Variants in FAM135A observed in about 807,000 individuals in gnomAD.
The protein encoded by FAM135A is protein FAM135A.
FAM135A carries 79 observed loss-of-function variants against 146.8 expected under a neutral mutation model. The ratio of observed to expected loss-of-function variants is 0.54; its 90% CI spans 0.45 to 0.65. The LOEUF (loss-of-function observed/expected upper bound fraction) is 0.65. FAM135A is among the 30% of genes least tolerant of loss of function. FAM135A has a pLI of 0.00. For missense variants in FAM135A, 1,623 were observed against 1,758.2 expected, an observed-to-expected ratio of 0.92 and a Z score of 1.38; for synonymous variants, 562 against 603.6, an observed-to-expected ratio of 0.93 and a Z score of 1.01.
intron 2 of FAM135A, among the ~76,000 whole-genome samples, chr6:70,419,314 G>A (rs960218796): frequency 6.6e-6 from 1 of 152,202 alleles, no homozygotes; most frequent in Admixed American, 6.5e-5. Context: ...AGCTGCTTGG[G>A]AGGCTGAGGC....
At chr6:70,487,190 A>G (rs1263728275) in intron 10 of FAM135A, among the ~76,000 whole-genome samples, 4 of 151,852 alleles carry the variant, frequency 2.6e-5, no homozygotes, top group Non-Finnish European at 5.9e-5. Context: ...GTTTTAGTCA[A>G]TTTGCATTTA....
intron 5 of FAM135A, among the ~76,000 whole-genome samples, chr6:70,472,262 A>G (rs1180012219): frequency 6.6e-6 from 1 of 152,178 alleles, no homozygotes; most frequent in Non-Finnish European, 1.5e-5. Flanking sequence ...GGTGCTCTCA[A>G]CAAAATTTAC....
chr6:70,498,601 A>C (rs1314426706), intron 11 of FAM135A, among the ~76,000 whole-genome samples: 4 of 152,046 alleles, frequency 2.6e-5, no homozygotes, highest in African/African-American at 9.7e-5. Context: ...CAGCTTTCTG[A>C]TGTGGGCATT....
intron 20 of FAM135A, among the ~76,000 whole-genome samples, chr6:70,556,335 ATGAT>A (rs1269239857): frequency 1.3e-5 from 2 of 152,344 alleles, no homozygotes; most frequent in East Asian, 3.9e-4. Flanking sequence ...AAAGCTTTAA[ATGAT>A]GTACTGTGAG....
At position 70,497,256 on chromosome 6, in the gene FAM135A, G is replaced by A. The variant is rs145804393; in HGVS notation, c.874-5380G>A. Among the ~76,000 whole-genome samples, 476 of 151,968 alleles carry A rather than the reference G, an allele frequency of 3.1e-3. 3 individuals carry two copies. The highest frequency in any genetic ancestry group is 0.011 in the African/African-American group (449 of 41,460). The stretch of plus-strand genomic sequence containing the variant: ...GATTCCTAGGTTTTTTATTTTCTTC[G>A]TAGCAATTGTGAATGGGAATTCACT... On this transcript the variant is annotated intron_variant, in intron 11 of 21. Coordinates refer to ENST00000418814, the MANE Select transcript of FAM135A (RefSeq NM_001162529.3).
At position 70,526,802 on chromosome 6, in the gene FAM135A, C is replaced by CACACACACACAT. The variant is rs1554161866; in HGVS notation, c.3614+105_3614+106insCACACACACATA. 1.8e-4 allele frequency: 97 copies of CACACACACACAT among 528,198 alleles called. No homozygotes were observed. In the African/African-American group the frequency reaches 2.1e-3, roughly 11 times the overall value. The allele number at this position is 528,198 out of a possible 1,614,324, so 32.7% of individuals were successfully genotyped here. A position where few individuals can be genotyped will look rare whatever the true frequency, so the allele number is the denominator to read the frequency against. ...ACACACACACACACACACACACACA[C>CACACACACACAT]ATATATATATAAAATCATAGATAGT... On this transcript the variant is annotated intron_variant, in intron 15 of 21. Coordinates refer to ENST00000418814, the MANE Select transcript of FAM135A (RefSeq NM_001162529.3).
chr6:70,428,419 G>T lies in FAM135A; in HGVS notation c.77G>T (p.Gly26Val). The T allele has an allele frequency of 1.3e-6, 2 of 1,587,604 alleles. No individual in the cohort carries two copies. Among genetic ancestry groups the T allele is most frequent in the South Asian group, 2.3e-5 (2 of 85,716 alleles). Residue 26 changes from glycine (G) to valine (V), a missense_variant and splice_region_variant, in exon 4 of 22, where the codon GGT (glycine) becomes GTT (valine). Physicochemically the swap from Gly to Val is moderately radical, Grantham distance 109. Around this residue, in one of 7 missense-constraint regions of FAM135A, gnomAD observed 171 missense variants for 164.9 expected, o/e 1.04. Coordinates refer to ENST00000418814, the MANE Select transcript of FAM135A (RefSeq NM_001162529.3). ...KFYNVDLFQR[G>V]FYQIRASMKI... is the part of the protein sequence containing the mutation. ...TACAATGTGGATTTGTTTCAGAGAG[G>T]GTATGTATTTTATTGTGAAAATGAT...
At chr6:70,557,496 C>A (rs1262799496) in intron 21 of FAM135A, 1 of 152,106 alleles carries the variant, frequency 6.6e-6, no homozygotes. Flanking sequence ...GAGTTCGAGA[C>A]CAGCCTGGCC....
At chr6:70,503,562 C>A (rs888286089) in intron 12 of FAM135A, 1 of 152,142 alleles carries the variant, frequency 6.6e-6, no homozygotes, top group Non-Finnish European at 1.5e-5. Context: ...GTAGAACACT[C>A]TCAATGCTAC....
At chr6:70,503,337 C>T (rs1466924216) in intron 12 of FAM135A, 1 of 152,128 alleles carries the variant, frequency 6.6e-6, no homozygotes, top group Non-Finnish European at 1.5e-5. Flanking sequence ...TGTTAAATAA[C>T]TATCTTTCCA....
At chr6:70,477,611 G>A (rs1427251344) in intron 8 of FAM135A, among the ~76,000 whole-genome samples, 1 of 152,042 alleles carries the variant, frequency 6.6e-6, no homozygotes, top group African/African-American at 2.4e-5. Context: ...TAGATCTCAT[G>A]AGAACTCACT....
rs148706537 is a variant in FAM135A at position 70,456,177 on chromosome 6, A to C, written c.157+3606A>C. Among the ~76,000 whole-genome samples the C allele has an allele frequency of 5.6e-3, 855 of 152,338 alleles. 3 individuals carry two copies. Among genetic ancestry groups the C allele is most frequent in the Non-Finnish European group, 8.2e-3 (556 of 68,028 alleles). On this transcript the variant is annotated intron_variant, in intron 5 of 21. Coordinates refer to ENST00000418814, the MANE Select transcript of FAM135A (RefSeq NM_001162529.3). ...ATAATTCTCAGCAAATGATTGATTC[A>C]AATACCCAAAAGGAAGTATGCTAGA...
intron 5 of FAM135A, 102 bp downstream of exon 5, chr6:70,452,673 A>G (rs1418928181): frequency 7.0e-6 from 5 of 710,354 alleles, no homozygotes; most frequent in Non-Finnish European, 1.1e-5. Context: ...TAATGGTATA[A>G]CATCATTATG....
chr6:70,459,812 G>A (rs917700325), intron 5 of FAM135A, among the ~76,000 whole-genome samples: 3 of 152,044 alleles, frequency 2.0e-5, no homozygotes, highest in East Asian at 1.9e-4. Context: ...GGCAGATTAC[G>A]AGGTCAGGAG....
intron 5 of FAM135A, among the ~76,000 whole-genome samples, chr6:70,455,191 A>G (rs1383408328): frequency 4.6e-5 from 7 of 152,106 alleles, no homozygotes; most frequent in East Asian, 1.9e-4. Flanking sequence ...CTTTGAAGCA[A>G]TTGTGAATGG....
intron 5 of FAM135A, among the ~76,000 whole-genome samples, chr6:70,464,667 C>CTTTTTTTTTTTTTTTTTTTTTTTT (rs533623758): frequency 1.0e-5 from 1 of 99,380 alleles, no homozygotes; most frequent in Non-Finnish European, 2.1e-5. Context: ...TCTTTTTTTT[C>CTTTTTTTTTTTTTTTTTTTTTTTT]TTTTTTTTTT....
At chr6:70,526,759 A>C (rs1794796871) in intron 15 of FAM135A, 61 bp downstream of exon 15, 1 of 656,836 alleles carries the variant, frequency 1.5e-6, no homozygotes, top group Non-Finnish European at 2.3e-6. Flanking sequence ...ATACACACAC[A>C]CACACATACA....
At chr6:70,537,616 A>G (rs970640730) in intron 19 of FAM135A, among the ~76,000 whole-genome samples, 1 of 152,202 alleles carries the variant, frequency 6.6e-6, no homozygotes, top group Non-Finnish European at 1.5e-5. Flanking sequence ...GTTTTAACCA[A>G]TTAAAGGATT....
chr6:70,438,784 A>G (rs971187131), intron 4 of FAM135A, among the ~76,000 whole-genome samples: 1 of 152,216 alleles, frequency 6.6e-6, no homozygotes, highest in African/African-American at 2.4e-5. Flanking sequence ...GTTGTGAAGA[A>G]GGAAAAAAAA....
Sources: allele counts gnomAD v4.1 joint callset (sites outside exome capture counted in the v4.1 genomes callset), GRCh38; gene constraint gnomAD v4.1.1; regional missense constraint gnomAD v4.1.1; transcripts MANE v1.5; gene names NCBI Gene and HGNC (gene_info 2026-07-23, HGNC 2026-07-21).